Variants in IMMP2L observed in about 807,000 individuals in gnomAD.
IMMP2L encodes the protein mitochondrial inner membrane protease subunit 2.
IMMP2L carries 18 observed loss-of-function variants against 19.3 expected under a neutral mutation model. The observed-to-expected ratio is 0.93, with a 90% confidence interval of 0.64 to 1.38. The LOEUF is 1.38. Ranked by LOEUF, IMMP2L falls within the 40% of genes most tolerant of loss-of-function variation. The pLI, the probability that IMMP2L is intolerant of heterozygous loss-of-function variation, is 0.00. For synonymous variants in IMMP2L, 76 were observed against 73.0 expected (o/e 1.04, Z -0.21); for missense variants, 233 against 218.2 (o/e 1.07, Z -0.43).
At position 110,870,588 on chromosome 7, in the gene IMMP2L, C is replaced by A. The variant is rs1808441414; in HGVS notation, c.408+16005G>T. ...TGCACGCGCATGTGTGCGTGTGTTC[C>A]ATTTTGTTAGATGCACAGAAAAAAC... On this transcript the variant is annotated intron_variant, in intron 5 of 5. Transcript: ENST00000405709. The surrounding 1 kb of genome is among the most constrained non-coding windows in gnomAD (Gnocchi z 4.2). 6.6e-6 allele frequency among the ~76,000 whole-genome samples: 1 copy of A among 152,070 alleles called. No individual in the cohort carries two copies. Among genetic ancestry groups the A allele is most frequent in the Admixed American group, 6.6e-5 (1 of 15,266 alleles).
chr7:111,131,779 T>A (rs1311856772), intron 3 of IMMP2L, among the ~76,000 whole-genome samples: 1 of 151,930 alleles, frequency 6.6e-6, no homozygotes, highest in African/African-American at 2.4e-5. Flanking sequence ...CTCAGAGAAG[T>A]ATTTAAGTAT....
chr7:110,846,263 G>A (rs530252988), intron 5 of IMMP2L, among the ~76,000 whole-genome samples: 1 of 151,756 alleles, frequency 6.6e-6, no homozygotes, highest in Admixed American at 6.6e-5. Context: ...TAACATGGGT[G>A]GTTACTTCCA....
At chr7:111,205,493 T>C (rs1439809579) in intron 3 of IMMP2L, among the ~76,000 whole-genome samples, 6 of 152,170 alleles carry the variant, frequency 3.9e-5, no homozygotes, top group Admixed American at 3.9e-4. Context: ...ATCAGTTCCA[T>C]TGAACGTCAC....
intron 5 of IMMP2L, among the ~76,000 whole-genome samples, chr7:110,866,689 T>G (rs1001379773): frequency 2.0e-5 from 3 of 152,120 alleles, no homozygotes; most frequent in Non-Finnish European, 4.4e-5. Flanking sequence ...CTTTTAAGGA[T>G]ATTTACATTT....
At chr7:111,294,473 T>C (rs1165842902) in intron 3 of IMMP2L, among the ~76,000 whole-genome samples, 1 of 151,920 alleles carries the variant, frequency 6.6e-6, no homozygotes, top group Non-Finnish European at 1.5e-5. Context: ...TACAGAGCTA[T>C]AAGTAAAAAT....
At chr7:111,445,137 T>C (rs1179916977) in intron 3 of IMMP2L, among the ~76,000 whole-genome samples, 2 of 152,072 alleles carry the variant, frequency 1.3e-5, no homozygotes, top group Admixed American at 1.3e-4. Context: ...ATGATATCCT[T>C]TCCCATCTCT....
intron 3 of IMMP2L, among the ~76,000 whole-genome samples, chr7:111,477,029 T>A (rs1162183799): frequency 6.6e-6 from 1 of 152,198 alleles, no homozygotes; most frequent in African/African-American, 2.4e-5. Context: ...AATTAGAGCA[T>A]GGAATCTGCT....
rs7809830 is a variant in IMMP2L, at chr7:110,870,696, A to T, written c.408+15897T>A. On this transcript the variant is annotated intron_variant, in intron 5 of 5. Coordinates refer to ENST00000405709, the MANE Select transcript of IMMP2L (RefSeq NM_032549.4). The surrounding 1 kb of genome is among the most constrained non-coding windows in gnomAD (Gnocchi z 4.2). ...ATTCAAGGAAGAGGATCTAGCTAGG[A>T]CAAAAGGCCTTTCACCTGTTCAAAG... Among the ~76,000 whole-genome samples, 6,634 of 152,202 alleles carry T rather than the reference A, an allele frequency of 0.044. 460 individuals are homozygous for T. The highest frequency in any genetic ancestry group is 0.15 in the African/African-American group (6,195 of 41,496).
At chr7:110,735,981 C>T (rs1259632799) in intron 5 of IMMP2L, among the ~76,000 whole-genome samples, 2 of 151,968 alleles carry the variant, frequency 1.3e-5, no homozygotes, top group Admixed American at 1.3e-4. Context: ...AAAAACAGCC[C>T]AGGGCTCCTG....
intron 3 of IMMP2L, among the ~76,000 whole-genome samples, chr7:111,224,356 G>T (rs1209275381): frequency 1.3e-5 from 2 of 152,094 alleles, no homozygotes; most frequent in African/African-American, 4.8e-5. Flanking sequence ...GCAAATGATG[G>T]TTTGTACATG....
At chr7:110,965,264 A>G (rs543682453) in intron 3 of IMMP2L, among the ~76,000 whole-genome samples, 22 of 152,186 alleles carry the variant, frequency 1.4e-4, no homozygotes, top group African/African-American at 5.1e-4. Context: ...AATTCAAGTC[A>G]CATTTTGAAT....
At chr7:111,532,204 C>T (rs1298620011) in intron 1 of IMMP2L, among the ~76,000 whole-genome samples, 1 of 152,108 alleles carries the variant, frequency 6.6e-6, no homozygotes, top group Non-Finnish European at 1.5e-5. Context: ...TTCCAAAGCA[C>T]GGTCATCCAA....
At chr7:110,791,004 C>T (rs1800423909) in intron 5 of IMMP2L, among the ~76,000 whole-genome samples, 1 of 151,522 alleles carries the variant, frequency 6.6e-6, no homozygotes. Context: ...TGGTATTTGG[C>T]AGGTGAACCA....
At chr7:111,509,026 A>G (rs947794721) in intron 2 of IMMP2L, among the ~76,000 whole-genome samples, 1 of 152,200 alleles carries the variant, frequency 6.6e-6, no homozygotes, top group Non-Finnish European at 1.5e-5. Context: ...AAATTTTTTA[A>G]AAGTTATAAG....
chr7:110,740,595 G>C (rs981205310), intron 5 of IMMP2L, among the ~76,000 whole-genome samples: 1 of 152,022 alleles, frequency 6.6e-6, no homozygotes, highest in African/African-American at 2.4e-5. Context: ...AACAAAAAAA[G>C]TCTGGGACCA....
intron 3 of IMMP2L, among the ~76,000 whole-genome samples, chr7:111,179,405 T>C (rs1368060494): frequency 2.6e-5 from 4 of 151,992 alleles, no homozygotes; most frequent in Non-Finnish European, 5.9e-5. Flanking sequence ...CTATCAGCTG[T>C]TGGTAGTGTT....
chr7:111,349,214 T>G (rs1312413488), intron 3 of IMMP2L, among the ~76,000 whole-genome samples: 2 of 152,108 alleles, frequency 1.3e-5, no homozygotes, highest in Non-Finnish European at 2.9e-5. Context: ...ACTAAAATAT[T>G]GGCAAAATAA....
At chr7:111,430,358 T>TA (rs1407894666) in intron 3 of IMMP2L, among the ~76,000 whole-genome samples, 1 of 151,520 alleles carries the variant, frequency 6.6e-6, no homozygotes, top group Admixed American at 6.6e-5. Context: ...TCCTTCCTGG[T>TA]AAAAAAATAA....
intron 3 of IMMP2L, among the ~76,000 whole-genome samples, chr7:111,278,981 G>GA (rs536540083): frequency 5.3e-5 from 8 of 149,604 alleles, no homozygotes; most frequent in African/African-American, 1.2e-4. Context: ...CATGAAACAT[G>GA]AAAAAAAAAA....
Sources: gnomAD v4.1 joint callset for allele counts (sites outside exome capture counted in the v4.1 genomes callset) on GRCh38, gnomAD v4.1.1 for gene constraint, Gnocchi (gnomAD v3.1) non-coding constraint, MANE v1.5 for transcripts, NCBI Gene and HGNC (gene_info 2026-07-23, HGNC 2026-07-21) for gene names.